Variants in PTGR2 observed in about 807,000 individuals in gnomAD.
PTGR2 encodes the protein 15-oxoprostaglandin 13-reductase.
A neutral mutation model predicts 43.4 loss-of-function variants in PTGR2; 32 were observed. That is an observed-to-expected ratio of 0.74 (90% CI 0.56 to 0.99). PTGR2 has a LOEUF of 0.99. Ranked by LOEUF, PTGR2 falls within the 50% of genes least tolerant of loss-of-function variation. PTGR2 has a pLI of 0.00. For synonymous variants in PTGR2, 106 were observed against 139.2 expected (o/e 0.76, Z 1.68); for missense variants, 373 against 420.0 (o/e 0.89, Z 0.98).
intron 3 of PTGR2, among the ~76,000 whole-genome samples, chr14:73,869,786 G>A (rs1412873002): frequency 2.6e-5 from 4 of 152,112 alleles, no homozygotes; most frequent in Non-Finnish European, 5.9e-5. Context: ...AGCATTTTGG[G>A]AGGCTGAGGC....
intron 3 of PTGR2, among the ~76,000 whole-genome samples, chr14:73,871,452 T>C (rs1288451415): frequency 2.0e-5 from 3 of 151,782 alleles, no homozygotes; most frequent in Non-Finnish European, 4.4e-5. Flanking sequence ...ATATCCTTTA[T>C]AATAAACAGT....
At chr14:73,865,342 G>C (rs1285773114) in intron 3 of PTGR2, among the ~76,000 whole-genome samples, 3 of 152,182 alleles carry the variant, frequency 2.0e-5, no homozygotes, top group African/African-American at 7.2e-5. Context: ...GAAGAAGGGT[G>C]TCCTGCTTTG....
Position 73,853,552 on chromosome 14 carries a change from A to G in PTGR2, c.-48+1609A>G, listed in dbSNP as rs562693930. On this transcript the variant is annotated intron_variant, in intron 1 of 9. Coordinates refer to ENST00000555661, the MANE Select transcript of PTGR2 (RefSeq NM_001146154.2). The stretch of plus-strand genomic sequence containing the variant: ...TGTCGGAGCTGGTCTCAAACTCCTG[A>G]CCTCAAGTGATCTGCCCACCTCAGC... Among the ~76,000 whole-genome samples, 11 of 151,398 alleles carry G rather than the reference A, an allele frequency of 7.3e-5. No individual in the cohort carries two copies. In the East Asian group the frequency reaches 2.2e-3, roughly 30 times the overall value.
chr14:73,863,545 GTTAT>G (rs948792337), intron 3 of PTGR2, among the ~76,000 whole-genome samples: 6 of 150,874 alleles, frequency 4.0e-5, no homozygotes, highest in Non-Finnish European at 7.4e-5. Flanking sequence ...AGAATAAACT[GTTAT>G]TTATTTATTT....
At chr14:73,883,691 G>A (rs2055058100) in intron 9 of PTGR2, among the ~76,000 whole-genome samples, 1 of 151,568 alleles carries the variant, frequency 6.6e-6, no homozygotes, top group African/African-American at 2.4e-5. Context: ...TCACCATGTT[G>A]GTCAGGCTGG....
At chr14:73,857,809 C>CA (rs1429857868) in intron 1 of PTGR2, among the ~76,000 whole-genome samples, 3 of 151,122 alleles carry the variant, frequency 2.0e-5, no homozygotes, top group Non-Finnish European at 4.4e-5. Flanking sequence ...GCTGGGACTA[C>CA]AGGCTCCCGC....
intron 3 of PTGR2, among the ~76,000 whole-genome samples, chr14:73,863,934 CT>C (rs2054548367): frequency 6.6e-6 from 1 of 151,994 alleles, no homozygotes; most frequent in South Asian, 2.1e-4. Context: ...TCTAAGAAGG[CT>C]TTTCCCCACC....
In PTGR2 at chr14:73,858,932, C is replaced by A. The variant is rs1043156721; in HGVS notation, c.37+33C>A. The A allele has an allele frequency of 3.2e-6, 5 of 1,562,168 alleles. No homozygotes were observed. In the African/African-American group the frequency reaches 4.1e-5, roughly 13 times the overall value. On this transcript the variant is annotated intron_variant, in intron 2 of 9. Coordinates refer to ENST00000555661, the MANE Select transcript of PTGR2 (RefSeq NM_001146154.2). The stretch of plus-strand genomic sequence containing the variant: ...TTTGCGATGAATGAACAACTCTGAT[C>A]TTTGATAAGTATTAATGCAAATGGA...
intron 4 of PTGR2, chr14:73,874,470 A>G (rs984959991): frequency 2.0e-6 from 1 of 509,510 alleles, no homozygotes. Flanking sequence ...GAGAAAAACC[A>G]TTTTAATTCA....
At chr14:73,853,012 G>C (rs980762048) in intron 1 of PTGR2, among the ~76,000 whole-genome samples, 1 of 151,990 alleles carries the variant, frequency 6.6e-6, no homozygotes, top group African/African-American at 2.4e-5. Flanking sequence ...AGTAGAGCGG[G>C]GTTTTCCCAT....
chr14:73,884,398 A>G lies in PTGR2; in HGVS notation c.*221A>G, dbSNP rs1231134183. On this transcript the variant is annotated 3_prime_UTR_variant, in exon 10 of 10. Transcript: ENST00000555661. ...TTAGTAATTACTTTTATTAATTTAA[A>G]ATAGAACGCTTGAGAGGCACTTTGT... is the stretch of plus-strand genomic sequence containing the variant. 34 of 366,504 alleles carry G rather than the reference A, an allele frequency of 9.3e-5. No homozygotes were observed. The East Asian group carries it at 1.8e-3, about 19-fold the overall frequency. The allele number at this position is 366,504 out of a possible 1,614,324, so 22.7% of individuals were successfully genotyped here. A position where few individuals can be genotyped will look rare whatever the true frequency, so the allele number is the denominator to read the frequency against.
intron 1 of PTGR2, among the ~76,000 whole-genome samples, chr14:73,853,619 G>A (rs146250003): frequency 1.4e-3 from 218 of 152,170 alleles, no homozygotes; most frequent in African/African-American, 5.1e-3. Context: ...CACCATACCC[G>A]GCCCCTTTTC....
At chr14:73,857,270 A>G (rs1239013928) in intron 1 of PTGR2, among the ~76,000 whole-genome samples, 1 of 151,286 alleles carries the variant, frequency 6.6e-6, no homozygotes, top group Non-Finnish European at 1.5e-5. Flanking sequence ...CACTGATAAG[A>G]AGGCAAAGGA....
intron 3 of PTGR2, among the ~76,000 whole-genome samples, chr14:73,862,287 A>C (rs962093654): frequency 1.3e-5 from 2 of 151,872 alleles, no homozygotes; most frequent in Non-Finnish European, 2.9e-5. Flanking sequence ...GGCTCACTGC[A>C]AGCTCCGCCT....
chr14:73,883,101 G>A (rs1157947897), intron 9 of PTGR2, among the ~76,000 whole-genome samples: 6 of 145,048 alleles, frequency 4.1e-5, no homozygotes, highest in South Asian at 2.2e-4. Context: ...GATTACAGGC[G>A]TGAGCCACCG....
intron 3 of PTGR2, among the ~76,000 whole-genome samples, chr14:73,862,454 G>A (rs1016215380): frequency 3.3e-5 from 5 of 152,070 alleles, no homozygotes; most frequent in African/African-American, 9.6e-5. Flanking sequence ...TGATCCACCC[G>A]CCTCGGCCTC....
At chr14:73,871,161 A>C (rs970157125) in intron 3 of PTGR2, among the ~76,000 whole-genome samples, 10 of 152,130 alleles carry the variant, frequency 6.6e-5, no homozygotes, top group African/African-American at 2.4e-4. Context: ...CCAGTGGTTT[A>C]ATCAATCATG....
At chr14:73,859,222 T>C (rs1459510459) in intron 2 of PTGR2, among the ~76,000 whole-genome samples, 2 of 152,144 alleles carry the variant, frequency 1.3e-5, no homozygotes, top group African/African-American at 4.8e-5. Context: ...TATGTTATTA[T>C]TGGTCCTTAA....
Position 73,879,113 on chromosome 14 carries a change from T to C in PTGR2, c.537T>C (p.Gly179=), listed in dbSNP as rs2054924806. 4 of 1,614,066 alleles carry C rather than the reference T, an allele frequency of 2.5e-6. No individual in the cohort carries two copies. The highest frequency in any genetic ancestry group is 3.4e-6 in the Non-Finnish European group (4 of 1,179,976). Residue 179 remains glycine, a synonymous_variant, in exon 6 of 10, where the codon GGT becomes GGC. Transcript: ENST00000555661. ...SVAGQIGHFL[G]CSRVVGICGT... Reference sequence around the variant, plus strand: ...CCCCCTAGATTGGCCATTTCTTAGGTTGTTCCAGAGTGGTGGGAATTTGTG... The same window carrying C: ...CCCCCTAGATTGGCCATTTCTTAGGCTGTTCCAGAGTGGTGGGAATTTGTG...
Sources: gnomAD v4.1 joint callset for allele counts (sites outside exome capture counted in the v4.1 genomes callset) on GRCh38, gnomAD v4.1.1 for gene constraint, MANE v1.5 for transcripts, NCBI Gene and HGNC (gene_info 2026-07-23, HGNC 2026-07-21) for gene names.